Variants in IGFBP1 observed in about 807,000 individuals in gnomAD.
IGFBP1 encodes the protein insulin like growth factor binding protein 1, also known as insulin-like growth factor-binding protein 1.
IGFBP1 carries 31 observed loss-of-function variants against 23.1 expected under a neutral mutation model. The observed-to-expected ratio is 1.34, with a 90% CI of 1.01 to 1.81. The LOEUF (loss-of-function observed/expected upper bound fraction) is 1.81, where lower values mean the gene tolerates loss of function less well. Ranked by LOEUF, IGFBP1 falls within the 40% of genes most tolerant of loss-of-function variation. IGFBP1 has a pLI of 0.00. For missense variants in IGFBP1, 333 were observed against 342.2 expected, an observed-to-expected ratio of 0.97 and a Z score of 0.21; for synonymous variants, 148 against 145.5, an observed-to-expected ratio of 1.02 and a Z score of -0.13.
Position 45,893,151 on chromosome 7 carries a change from C to G in IGFBP1, c.*60C>G, listed in dbSNP as rs766051003. The G allele has an allele frequency of 1.3e-4, 139 of 1,097,842 alleles. No homozygotes were observed. The Middle Eastern group carries it at 3.0e-3, about 24-fold the overall frequency. 68.0% of individuals were successfully genotyped at this position (1,097,842 alleles called of 1,614,324 possible). A position where few individuals can be genotyped will look rare whatever the true frequency, so the allele number is the denominator to read the frequency against. On this transcript the variant is annotated 3_prime_UTR_variant, in exon 4 of 4. Transcript: ENST00000275525. Reference sequence around the variant, plus strand: ...TTTAAGTATATAGTATATTTATACTCTAGAACATGCACATTTATATATATA... The same window carrying G: ...TTTAAGTATATAGTATATTTATACTGTAGAACATGCACATTTATATATATA...
chr7:45,893,049 G>C lies in IGFBP1; in HGVS notation c.738G>C (p.Arg246Ser). Residue 246 changes from arginine (R) to serine (S), a missense_variant, in exon 4 of 4, where the codon AGG (arginine) becomes AGC (serine). Arg to Ser is a moderately radical substitution (Grantham distance 110). Transcript: ENST00000275525. ...GKRIPGSPEI[R>S]GDPNCQIYFN... ...GGATCCCTGGGTCTCCAGAGATCAG[G>C]GGAGACCCCAACTGCCAGATATATT... The C allele has an allele frequency of 6.2e-7, 1 of 1,611,348 alleles. No individual in the cohort carries two copies. The highest frequency in any genetic ancestry group is 1.1e-5 in the South Asian group (1 of 91,018).
chr7:45,891,776 C>G (rs1372553888), intron 2 of IGFBP1, among the ~76,000 whole-genome samples, 156 bp from the exon 3 acceptor site: 3 of 152,050 alleles, frequency 2.0e-5, no homozygotes, highest in Non-Finnish European at 2.9e-5. Context: ...AAAAAGAGGC[C>G]CAGAGGGAGC....
Position 45,888,553 on chromosome 7 carries a change from A to C in IGFBP1, c.-100A>C, listed in dbSNP as rs931248526. On this transcript the variant is annotated 5_prime_UTR_variant, in exon 1 of 4. Coordinates refer to ENST00000275525, the MANE Select transcript of IGFBP1 (RefSeq NM_000596.4). The stretch of plus-strand genomic sequence containing the variant: ...CGCCGCCGCCACCCTCCCAGAGAGC[A>C]CTGGCCACCGCTCCACCATCACTTG... 1 of 1,026,566 alleles carries C rather than the reference A, an allele frequency of 9.7e-7. No homozygotes were observed. The highest frequency in any genetic ancestry group is 1.4e-6 in the Non-Finnish European group (1 of 694,796). The allele number at this position is 1,026,566 out of a possible 1,614,324, so 63.6% of individuals were successfully genotyped here.
At chr7:45,889,109 C>A in intron 1 of IGFBP1, 108 bp downstream of exon 1, 1 of 825,192 alleles carries the variant, frequency 1.2e-6, no homozygotes, top group Non-Finnish European at 1.8e-6. Context: ...CGGGCAGGGG[C>A]TTGTCCACAA....
intron 2 of IGFBP1, among the ~76,000 whole-genome samples, chr7:45,891,175 C>T (rs1787074691): frequency 6.6e-6 from 1 of 152,146 alleles, no homozygotes; most frequent in Non-Finnish European, 1.5e-5. Context: ...ATTCTGCAAC[C>T]ACTACCAATA....
chr7:45,891,787 A>G (rs1011663590), intron 2 of IGFBP1, 145 bp from the exon 3 acceptor site: 2 of 668,700 alleles, frequency 3.0e-6, no homozygotes, highest in Non-Finnish European at 5.0e-6. Context: ...CAGAGGGAGC[A>G]CATCACATGA....
chr7:45,891,503 G>A (rs1298567258), intron 2 of IGFBP1, among the ~76,000 whole-genome samples: 1 of 152,214 alleles, frequency 6.6e-6, no homozygotes, highest in Non-Finnish European at 1.5e-5. Flanking sequence ...GAACCTTGTA[G>A]ATTGCAGAGG....
intron 2 of IGFBP1, among the ~76,000 whole-genome samples, chr7:45,891,433 T>C (rs972019384): frequency 6.6e-6 from 1 of 152,268 alleles, no homozygotes; most frequent in African/African-American, 2.4e-5. Flanking sequence ...TGGAGGAAAG[T>C]TAATTCTTAA....
intron 2 of IGFBP1, among the ~76,000 whole-genome samples, 158 bp downstream of exon 2, chr7:45,890,875 T>C (rs141527946): frequency 5.3e-5 from 8 of 152,282 alleles, no homozygotes; most frequent in African/African-American, 1.9e-4. Context: ...AGTTAAACTT[T>C]GTCAAACTGT....
intron 3 of IGFBP1, 124 bp downstream of exon 3, chr7:45,892,184 T>C (rs954654299): frequency 2.9e-5 from 30 of 1,031,282 alleles, no homozygotes; most frequent in African/African-American, 2.7e-4. Flanking sequence ...AGTGGTTGTA[T>C]TGAGCCAGAT....
In IGFBP1 at chr7:45,889,003, T is replaced by C; in HGVS notation, c.349+2T>C. Reference sequence around the variant, plus strand: ...ACGCCTCCGCTCCCCATGCTGCAGGTACCACAGTCCCGCCCCTGCTCCAGC... The same window carrying C: ...ACGCCTCCGCTCCCCATGCTGCAGGCACCACAGTCCCGCCCCTGCTCCAGC... On this transcript the variant is annotated splice_donor_variant, in intron 1 of 3. Coordinates refer to ENST00000275525, the MANE Select transcript of IGFBP1 (RefSeq NM_000596.4). LOFTEE classifies it high-confidence loss of function. The C allele has an allele frequency of 1.3e-6, 2 of 1,510,346 alleles. No homozygotes were observed. Among genetic ancestry groups the C allele is most frequent in the Non-Finnish European group, 1.8e-6 (2 of 1,135,730 alleles). The allele number at this position is 1,510,346 out of a possible 1,614,324, so 93.6% of individuals were successfully genotyped here.
intron 1 of IGFBP1, 118 bp downstream of exon 1, chr7:45,889,119 A>G (rs1488617490): frequency 5.3e-6 from 4 of 748,852 alleles, no homozygotes; most frequent in Non-Finnish European, 8.0e-6. Context: ...CTTGTCCACA[A>G]CTAGAGCTTG....
Position 45,888,580 on chromosome 7 carries a change from C to T in IGFBP1, c.-73C>T. Reference sequence around the variant, plus strand: ...TGGCCACCGCTCCACCATCACTTGCCCAGAGTTTGGGCCACCGCCCGCCGC... The same window carrying T: ...TGGCCACCGCTCCACCATCACTTGCTCAGAGTTTGGGCCACCGCCCGCCGC... On this transcript the variant is annotated 5_prime_UTR_variant, in exon 1 of 4. Coordinates refer to ENST00000275525, the MANE Select transcript of IGFBP1 (RefSeq NM_000596.4). 3 of 1,338,364 alleles carry T rather than the reference C, an allele frequency of 2.2e-6. No individual in the cohort carries two copies. In the South Asian group the frequency reaches 3.8e-5, roughly 17 times the overall value. The allele number at this position is 1,338,364 out of a possible 1,614,324, so 82.9% of individuals were successfully genotyped here.
chr7:45,889,595 T>C (rs1286257162), intron 1 of IGFBP1, among the ~76,000 whole-genome samples: 26 of 152,202 alleles, frequency 1.7e-4, no homozygotes, highest in Non-Finnish European at 2.9e-5. Context: ...AGAAAAACAA[T>C]GTTTGATGTG....
chr7:45,890,442 C>T (rs1787059872), intron 1 of IGFBP1, 106 bp from the exon 2 acceptor site: 14 of 1,217,840 alleles, frequency 1.1e-5, no homozygotes, highest in Non-Finnish European at 1.6e-5. Flanking sequence ...ATGTGGCCAT[C>T]CTCATGGCCC....
chr7:45,889,503 G>C (rs1257047597), intron 1 of IGFBP1, among the ~76,000 whole-genome samples: 1 of 152,222 alleles, frequency 6.6e-6, no homozygotes, highest in Non-Finnish European at 1.5e-5. Flanking sequence ...TATACGTCCT[G>C]GATACAGTAT....
rs140866053 is a variant in IGFBP1 at position 45,889,931 on chromosome 7, T to C, written c.350-617T>C. The stretch of plus-strand genomic sequence containing the variant: ...AGATGGATTTCCACAGGGGGTCCCT[T>C]ATAGGCCAGTGTGCTGATTCTGTTC... On this transcript the variant is annotated intron_variant, in intron 1 of 3. Transcript: ENST00000275525. 5.5e-3 allele frequency among the ~76,000 whole-genome samples: 841 copies of C among 152,248 alleles called. 11 individuals are homozygous for C. The highest frequency in any genetic ancestry group is 0.01 in the Middle Eastern group (3 of 294).
rs1310779795 is a variant in IGFBP1 at position 45,888,716 on chromosome 7, G to A, written c.64G>A (p.Val22Met). The A allele has an allele frequency of 1.9e-6, 3 of 1,596,476 alleles. No individual in the cohort carries two copies. Among genetic ancestry groups the A allele is most frequent in the East Asian group, 2.2e-5 (1 of 44,682 alleles). Residue 22 changes from valine (V) to methionine (M), a missense_variant, in exon 1 of 4, where the codon GTG (valine) becomes ATG (methionine). Val to Met is a conservative substitution (Grantham distance 21). Coordinates refer to ENST00000275525, the MANE Select transcript of IGFBP1 (RefSeq NM_000596.4). ...VLLLLTVQVGVTAGAPWQCAP... is the reference protein window; with the variant it reads ...VLLLLTVQVGMTAGAPWQCAP... ...GCTCCTGCTGACTGTCCAGGTCGGC[G>A]TGACAGCCGGCGCTCCGTGGCAGTG... is the stretch of plus-strand genomic sequence containing the variant.
rs373948510 is a variant in IGFBP1 at position 45,892,078 on chromosome 7, T to C, written c.648+18T>C. 13 of 1,613,510 alleles carry C rather than the reference T, an allele frequency of 8.1e-6. No individual in the cohort carries two copies. The East Asian group carries it at 2.2e-4, about 28-fold the overall frequency. ...GCAGACAGGTAGGTGGCCTTGCCAGTGTGCGTCGTCAGGGTGAAAGGGACT... is the reference window on the plus strand; with the variant it reads ...GCAGACAGGTAGGTGGCCTTGCCAGCGTGCGTCGTCAGGGTGAAAGGGACT... On this transcript the variant is annotated intron_variant, in intron 3 of 3. Coordinates refer to ENST00000275525, the MANE Select transcript of IGFBP1 (RefSeq NM_000596.4).
Sources: allele counts gnomAD v4.1 joint callset (sites outside exome capture counted in the v4.1 genomes callset), GRCh38; gene constraint gnomAD v4.1.1; transcripts MANE v1.5; gene names NCBI Gene and HGNC (gene_info 2026-07-23, HGNC 2026-07-21).